The following SLC23A1 variants were observed in gnomAD, a reference collection of about 807,000 sequenced individuals.
The protein encoded by SLC23A1 is solute carrier family 23 member 1.
In SLC23A1, 31 loss-of-function variants were observed where a neutral mutation model predicts 62.5. The ratio of observed to expected loss-of-function variants is 0.50; its 90% CI spans 0.37 to 0.67. The LOEUF (loss-of-function observed/expected upper bound fraction) is 0.67. SLC23A1 is among the 30% of genes least tolerant of loss of function. The pLI is 0.00. For synonymous variants in SLC23A1, 271 were observed against 313.2 expected (o/e 0.87, Z 1.42); for missense variants, 640 against 782.7 (o/e 0.82, Z 2.18).
intron 12 of SLC23A1, among the ~76,000 whole-genome samples, 198 bp downstream of exon 12, chr5:139,377,777 G>A (rs1483782355): frequency 6.6e-6 from 1 of 152,214 alleles, no homozygotes; most frequent in Non-Finnish European, 1.5e-5. Context: ...AATTAAATAA[G>A]CACATGTAAA....
intron 14 of SLC23A1, among the ~76,000 whole-genome samples, chr5:139,371,694 C>T (rs1398744235): frequency 1.3e-5 from 2 of 152,200 alleles, no homozygotes; most frequent in African/African-American, 4.8e-5. Flanking sequence ...CTCAAGGACT[C>T]CAATTGGCCC....
intron 12 of SLC23A1, 65 bp from the exon 13 acceptor site, chr5:139,377,562 T>G (rs1389669520): frequency 7.0e-6 from 6 of 859,078 alleles, no homozygotes; most frequent in Non-Finnish European, 1.0e-5. Flanking sequence ...TTGAGGGACT[T>G]CCTCTTGTGC....
intron 1 of SLC23A1, 34 bp downstream of exon 1, chr5:139,383,184 G>A: frequency 4.4e-6 from 1 of 229,120 alleles, no homozygotes; most frequent in East Asian, 6.9e-5. Flanking sequence ...CACCCCCCCT[G>A]CCCCCCCTAG....
intron 6 of SLC23A1, 39 bp downstream of exon 6, chr5:139,380,169 G>A: frequency 6.4e-7 from 1 of 1,556,622 alleles, no homozygotes. Context: ...AGGGTAGGGT[G>A]CTGGGGCTGG....
In SLC23A1 at chr5:139,371,973, T is replaced by G. The variant is rs1162267253; in HGVS notation, c.*19+14A>C. 1 of 1,594,200 alleles carries G rather than the reference T, an allele frequency of 6.3e-7. No individual in the cohort carries two copies. Among genetic ancestry groups the G allele is most frequent in the African/African-American group, 1.4e-5 (1 of 74,070 alleles). ...TTATTCAACCCTCCCACAAAAACCATAGACACATCCTACCTTTCCTGGAAG... is the reference window on the plus strand; with the variant it reads ...TTATTCAACCCTCCCACAAAAACCAGAGACACATCCTACCTTTCCTGGAAG... On this transcript the variant is annotated intron_variant, in intron 14 of 14. Coordinates refer to ENST00000348729, the MANE Select transcript of SLC23A1 (RefSeq NM_005847.5).
chr5:139,372,284 G>A (rs1182156554), intron 13 of SLC23A1, 31 bp from the exon 14 acceptor site: 2 of 1,597,220 alleles, frequency 1.3e-6, no homozygotes, highest in African/African-American at 1.3e-5. Context: ...CATTTACCAA[G>A]GCCAGCAACC....
intron 14 of SLC23A1, chr5:139,368,976 C>CA: frequency 2.0e-6 from 1 of 496,142 alleles, no homozygotes; most frequent in Non-Finnish European, 3.6e-6. Context: ...AAAAAGCTGT[C>CA]AAACATTTAC....
In SLC23A1 at chr5:139,373,704, TC is replaced by T. The variant is rs1261259980; in HGVS notation, c.1550-1452del. 3.3e-5 allele frequency among the ~76,000 whole-genome samples: 5 copies of T among 151,082 alleles called. No homozygotes were observed. The South Asian group carries it at 8.4e-4, about 25-fold the overall frequency. On this transcript the variant is annotated intron_variant, in intron 13 of 14. Transcript: ENST00000348729. ...GAGAGGGCACTGAGGGAAGGTGGAG[TC>T]CCTAGGGAAGACTACCTGGAAGAGA...
At chr5:139,380,422 T>G (rs762530203) in intron 5 of SLC23A1, 33 bp from the exon 6 acceptor site, 1 of 1,612,830 alleles carries the variant, frequency 6.2e-7, no homozygotes, top group Non-Finnish European at 8.5e-7. Flanking sequence ...TAAGTCACCA[T>G]GTAAAGGTCA....
At chr5:139,373,474 C>T (rs1466914014) in intron 13 of SLC23A1, among the ~76,000 whole-genome samples, 1 of 152,126 alleles carries the variant, frequency 6.6e-6, no homozygotes, top group African/African-American at 2.4e-5. Context: ...GCCACTGAGC[C>T]GGGCTAGTAA....
At chr5:139,375,641 C>G (rs192279021) in intron 13 of SLC23A1, among the ~76,000 whole-genome samples, 5 of 151,972 alleles carry the variant, frequency 3.3e-5, no homozygotes, top group African/African-American at 1.2e-4. Flanking sequence ...TTGAGACTAC[C>G]CTGGCCAACA....
chr5:139,380,872 T>C lies in SLC23A1; in HGVS notation c.323A>G (p.Gln108Arg). The C allele has an allele frequency of 7.2e-7, 1 of 1,393,750 alleles. No individual in the cohort carries two copies. The highest frequency in any genetic ancestry group is 2.4e-5 in the Admixed American group (1 of 42,206). The allele number at this position is 1,393,750 out of a possible 1,614,324, so 86.3% of individuals were successfully genotyped here. Reference sequence around the variant, plus strand: ...AACCAGAAATGCAAAGGCACTGGCCTGGAACAGCGGCAGCCTGGAGGAGAG... The same window carrying C: ...AACCAGAAATGCAAAGGCACTGGCCCGGAACAGCGGCAGCCTGGAGGAGAG... ...TTVGIRLPLFQASAFAFLVPA... is the reference protein window; with the variant it reads ...TTVGIRLPLFRASAFAFLVPA... Residue 108 changes from glutamine to arginine, a missense_variant, in exon 4 of 15, where the codon CAG (glutamine) becomes CGG (arginine). By Grantham distance (43) the Gln-to-Arg change is conservative. Coordinates refer to ENST00000348729, the MANE Select transcript of SLC23A1 (RefSeq NM_005847.5).
At position 139,378,176 on chromosome 5, in the gene SLC23A1, A is replaced by T; in HGVS notation, c.1309+46T>A. On this transcript the variant is annotated intron_variant, in intron 11 of 14. Coordinates refer to ENST00000348729, the MANE Select transcript of SLC23A1 (RefSeq NM_005847.5). The surrounding 1 kb of genome is among the most constrained non-coding windows in gnomAD (Gnocchi z 4.5). ...CACACGCGTAATCCAGGTGAGTCCC[A>T]CTCGGCGACCCGCACCGCGACCCGT... The T allele has an allele frequency of 1.2e-6, 2 of 1,613,102 alleles. No homozygotes were observed. Among genetic ancestry groups the T allele is most frequent in the Non-Finnish European group, 1.7e-6 (2 of 1,179,566 alleles).
chr5:139,378,169 G>A lies in SLC23A1; in HGVS notation c.1310-51C>T, dbSNP rs368476336. The A allele has an allele frequency of 9.3e-6, 15 of 1,613,340 alleles. No homozygotes were observed. The highest frequency in any genetic ancestry group is 6.7e-5 in the African/African-American group (5 of 74,924). On this transcript the variant is annotated intron_variant, in intron 11 of 14. Transcript: ENST00000348729. The surrounding 1 kb of genome is among the most constrained non-coding windows in gnomAD (Gnocchi z 4.5). ...GGCGCCGCACACGCGTAATCCAGGT[G>A]AGTCCCACTCGGCGACCCGCACCGC...
At chr5:139,384,608 C>T (rs2152074727), upstream of SLC23A1, 3 of 1,259,686 alleles carry the variant, frequency 2.4e-6, no homozygotes, top group Non-Finnish European at 3.1e-6. Flanking sequence ...CCCAGAACTC[C>T]CCAGGGTGCT....
intron 14 of SLC23A1, chr5:139,369,372 A>C (rs1445866658): frequency 6.5e-6 from 1 of 152,808 alleles, no homozygotes; most frequent in African/African-American, 2.4e-5. Flanking sequence ...CTAATGTTAC[A>C]TCTGAGGAAG....
At chr5:139,383,689 A>G (rs774962196), upstream of SLC23A1, among the ~76,000 whole-genome samples, 6 of 152,238 alleles carry the variant, frequency 3.9e-5, no homozygotes, top group Admixed American at 2.0e-4. Context: ...CATTCTCGTT[A>G]TTGAGGAATG....
At chr5:139,368,030 C>G (rs1757380304) in intron 14 of SLC23A1, among the ~76,000 whole-genome samples, 1 of 152,146 alleles carries the variant, frequency 6.6e-6, no homozygotes, top group Non-Finnish European at 1.5e-5. Flanking sequence ...GAAACCCCTT[C>G]TCTACTAAAA....
chr5:139,373,841 C>T (rs1334030111), intron 13 of SLC23A1, among the ~76,000 whole-genome samples: 1 of 152,120 alleles, frequency 6.6e-6, no homozygotes, highest in African/African-American at 2.4e-5. Context: ...GTGGGATGAG[C>T]CATAGGTGTG....
Sources: allele counts gnomAD v4.1 joint callset (sites outside exome capture counted in the v4.1 genomes callset), GRCh38; gene constraint gnomAD v4.1.1; non-coding constraint Gnocchi (gnomAD v3.1); transcripts MANE v1.5; gene names NCBI Gene and HGNC (gene_info 2026-07-23, HGNC 2026-07-21).